CPB2: variants seen among roughly 807,000 people sequenced by gnomAD.
CPB2 encodes the protein carboxypeptidase B2, also known as carboxypeptidase B-like protein.
CPB2 carries 54 observed loss-of-function variants against 57.0 expected under a neutral mutation model. The observed-to-expected ratio is 0.95, with a 90% CI of 0.76 to 1.19. The LOEUF (loss-of-function observed/expected upper bound fraction) is 1.19, where lower values mean the gene tolerates loss of function less well. CPB2 is among the 50% of genes most tolerant of loss of function. The pLI, the probability that CPB2 is intolerant of heterozygous loss-of-function variation, is 0.00. For synonymous variants in CPB2, 189 were observed against 178.1 expected (o/e 1.06, Z -0.49); for missense variants, 426 against 512.0 (o/e 0.83, Z 1.62).
chr13:46,084,448 G>A (rs1165400471), intron 2 of CPB2, 105 bp from the exon 3 acceptor site: 9 of 1,237,536 alleles, frequency 7.3e-6, no homozygotes, highest in Non-Finnish European at 9.0e-6. Flanking sequence ...AGTATGAAAA[G>A]GACACTCCCT....
At chr13:46,058,806 G>A (rs2044732433) in intron 8 of CPB2, among the ~76,000 whole-genome samples, 1 of 152,210 alleles carries the variant, frequency 6.6e-6, no homozygotes, top group East Asian at 1.9e-4. Flanking sequence ...CTCAGAATAT[G>A]TAAATCTGCC....
At chr13:46,089,694 TG>T (rs1424459038) in intron 1 of CPB2, among the ~76,000 whole-genome samples, 3 of 152,162 alleles carry the variant, frequency 2.0e-5, no homozygotes, top group Non-Finnish European at 4.4e-5. Context: ...GCTTCATGAA[TG>T]GGATTAGTGA....
chr13:46,098,099 C>T (rs1372239383), intron 1 of CPB2, among the ~76,000 whole-genome samples: 1 of 152,132 alleles, frequency 6.6e-6, no homozygotes, highest in Admixed American at 6.5e-5. Context: ...TGGAATCCAG[C>T]TTAGGCGTTC....
intron 1 of CPB2, among the ~76,000 whole-genome samples, chr13:46,095,885 T>A (rs1306939145): frequency 6.7e-6 from 1 of 148,282 alleles, no homozygotes; most frequent in Admixed American, 6.7e-5. Context: ...ACTTTTTTTT[T>A]TTTTTTTTTT....
At chr13:46,067,070 A>G (rs976558854) in intron 7 of CPB2, among the ~76,000 whole-genome samples, 4 of 152,098 alleles carry the variant, frequency 2.6e-5, no homozygotes, top group Admixed American at 6.5e-5. Context: ...GAGAGAATAC[A>G]GATGAAACAA....
At chr13:46,076,408 C>A (rs1476187435) in intron 5 of CPB2, among the ~76,000 whole-genome samples, 9 of 136,046 alleles carry the variant, frequency 6.6e-5, no homozygotes, top group Non-Finnish European at 9.6e-5. Context: ...AAAAAAAAAA[C>A]CTATAATAAA....
chr13:46,059,096 T>C (rs1319578888), intron 8 of CPB2, among the ~76,000 whole-genome samples: 2 of 152,224 alleles, frequency 1.3e-5, no homozygotes, highest in African/African-American at 4.8e-5. Context: ...TCTGAATCCC[T>C]TCAAAGATAA....
At chr13:46,072,182 T>C (rs2044952706) in intron 6 of CPB2, among the ~76,000 whole-genome samples, 3 of 152,196 alleles carry the variant, frequency 2.0e-5, no homozygotes. Context: ...TGTAGTGTAG[T>C]GGATTTCCAC....
At chr13:46,085,000 G>A (rs1380940763) in intron 2 of CPB2, among the ~76,000 whole-genome samples, 3 of 151,748 alleles carry the variant, frequency 2.0e-5, no homozygotes, top group Non-Finnish European at 2.9e-5. Context: ...ACAGGCGCCC[G>A]CCACCACGCC....
intron 4 of CPB2, among the ~76,000 whole-genome samples, chr13:46,080,784 A>G (rs1053267239): frequency 3.3e-5 from 5 of 152,174 alleles, no homozygotes; most frequent in African/African-American, 1.2e-4. Flanking sequence ...CAGCCTGTCC[A>G]ACATGGTGAA....
In CPB2 at chr13:46,064,719, C is replaced by T. The variant is rs761531467; in HGVS notation, c.725G>A (p.Arg242His). 36 of 1,613,838 alleles carry T rather than the reference C, an allele frequency of 2.2e-5. No individual in the cohort carries two copies. Among genetic ancestry groups the T allele is most frequent in the Non-Finnish European group, 2.7e-5 (32 of 1,179,914 alleles). Residue 242 changes from arginine (R) to histidine (H), a missense_variant, in exon 8 of 11, where the codon CGT (arginine) becomes CAT (histidine). By Grantham distance (29) the Arg-to-His change is conservative. Transcript: ENST00000181383. ...WKKNRMWRKN[R>H]SFYANNHCIG... ...GCAATGATTGTTCGCATAGAAAGAA[C>T]GGTTCTTTCTCCACATTCGATTCTA...
chr13:46,055,719 T>A (rs527987522), intron 10 of CPB2, 43 bp downstream of exon 10: 1 of 1,175,874 alleles, frequency 8.5e-7, no homozygotes, highest in South Asian at 1.4e-5. Context: ...CAGATTTCTT[T>A]AGTAGCTCAA....
Position 46,084,352 on chromosome 13 carries a change from T to C in CPB2, c.151-9A>G. 6.2e-7 allele frequency: 1 copy of C among 1,613,788 alleles called. No homozygotes were observed. Among genetic ancestry groups the C allele is most frequent in the Non-Finnish European group, 8.5e-7 (1 of 1,179,870 alleles). ...GGCTGCCAGAGAACAATCTACAGTT[T>C]AAGGGGCAAAATTGATAAAATTAAA... On this transcript the variant is annotated splice_polypyrimidine_tract_variant and intron_variant, in intron 2 of 10. Coordinates refer to ENST00000181383, the MANE Select transcript of CPB2 (RefSeq NM_001872.5).
intron 7 of CPB2, among the ~76,000 whole-genome samples, chr13:46,066,800 G>A (rs2044861626): frequency 2.0e-5 from 3 of 148,206 alleles, no homozygotes; most frequent in East Asian, 4.0e-4. Context: ...AGCCGAGATC[G>A]TGCCACTGCA....
chr13:46,074,358 A>G (rs1393876474), intron 5 of CPB2, among the ~76,000 whole-genome samples: 3 of 152,180 alleles, frequency 2.0e-5, no homozygotes, highest in African/African-American at 7.2e-5. Flanking sequence ...TTGGATGGCA[A>G]TCTTCCCCGG....
intron 1 of CPB2, 121 bp from the exon 2 acceptor site, chr13:46,087,941 A>G (rs1397923737): frequency 3.2e-6 from 2 of 629,332 alleles, no homozygotes; most frequent in Non-Finnish European, 5.5e-6. Context: ...TGTTATTAGG[A>G]CAGAGGATCT....
At position 46,077,388 on chromosome 13, in the gene CPB2, C is replaced by T. The variant is rs535460238; in HGVS notation, c.486+1412G>A. On this transcript the variant is annotated intron_variant, in intron 5 of 10. Coordinates refer to ENST00000181383, the MANE Select transcript of CPB2 (RefSeq NM_001872.5). ...ACCACAATGCAATGTCATCTCATTC[C>T]AGTTAAAATGGCTTTTATCCAAAAG... Among the ~76,000 whole-genome samples, 10 of 152,250 alleles carry T rather than the reference C, an allele frequency of 6.6e-5. No individual in the cohort carries two copies. The South Asian group carries it at 2.1e-3, about 32-fold the overall frequency.
chr13:46,104,998 G>A lies in CPB2; in HGVS notation c.12C>T (p.Cys4=), dbSNP rs1249446817. 2 of 1,613,944 alleles carry A rather than the reference G, an allele frequency of 1.2e-6. No homozygotes were observed. The highest frequency in any genetic ancestry group is 1.7e-5 in the Admixed American group (1 of 59,998). The change falls in exon 1 of 11, where the codon TGC becomes TGT. Residue 4 remains cysteine (C), a synonymous_variant. Transcript: ENST00000181383. MKL[C]SLAVLVPIVL... ...CAATGGGTACAAGGACTGCAAGGCTGCAAAGCTTCATCCCAACAGCAATTT... is the reference window on the plus strand; with the variant it reads ...CAATGGGTACAAGGACTGCAAGGCTACAAAGCTTCATCCCAACAGCAATTT...
chr13:46,068,250 A>G (rs1482813385), intron 6 of CPB2, among the ~76,000 whole-genome samples: 1 of 152,228 alleles, frequency 6.6e-6, no homozygotes, highest in East Asian at 1.9e-4. Flanking sequence ...GTTGCCTTAA[A>G]GCATACTCAT....
Sources: gnomAD v4.1 joint callset for allele counts (sites outside exome capture counted in the v4.1 genomes callset) on GRCh38, gnomAD v4.1.1 for gene constraint, MANE v1.5 for transcripts, NCBI Gene and HGNC (gene_info 2026-07-23, HGNC 2026-07-21) for gene names.